TRMT11: variants seen among roughly 807,000 people sequenced by gnomAD.
TRMT11 encodes the protein tRNA methyltransferase 11, also known as tRNA (guanine(10)-N(2))-methyltransferase TRMT11.
TRMT11 carries 53 observed loss-of-function variants against 62.8 expected under a neutral mutation model. That is an observed-to-expected ratio of 0.84 (90% confidence interval 0.68 to 1.06). TRMT11 has a LOEUF of 1.06. TRMT11 is among the 50% of genes least tolerant of loss of function. TRMT11 has a pLI of 0.00. For synonymous variants in TRMT11, 188 were observed against 190.3 expected (o/e 0.99, Z 0.10); for missense variants, 556 against 553.4 (o/e 1.00, Z -0.05).
chr6:126,141,394 T>A, intron 21 of TRMT11, among the ~76,000 whole-genome samples: 1 of 152,298 alleles, frequency 6.6e-6, no homozygotes, highest in African/African-American at 2.4e-5. Context: ...TTCACACACA[T>A]GTTAAATCAG....
chr6:126,242,745 A>C, the TRMT11 span, among the ~76,000 whole-genome samples: 1 of 152,194 alleles, frequency 6.6e-6, no homozygotes, highest in Non-Finnish European at 1.5e-5. Flanking sequence ...AGAAAGCTGA[A>C]ACTGGACCCC....
At chr6:126,021,101 A>G (rs866396904) in intron 11 of TRMT11, 59 bp from the exon 12 acceptor site, 18 of 1,603,604 alleles carry the variant, frequency 1.1e-5, no homozygotes, top group Middle Eastern at 3.3e-4. Flanking sequence ...GACGATCCCC[A>G]TGATTCTTTG....
At chr6:126,076,989 T>G (rs548364245) in intron 17 of TRMT11, among the ~76,000 whole-genome samples, 4 of 152,188 alleles carry the variant, frequency 2.6e-5, no homozygotes, top group African/African-American at 9.7e-5. Flanking sequence ...AAAGTCAATC[T>G]GAGTAATGTT....
intron 17 of TRMT11, among the ~76,000 whole-genome samples, chr6:126,077,817 T>A (rs1777063365): frequency 6.6e-6 from 1 of 152,194 alleles, no homozygotes; most frequent in Non-Finnish European, 1.5e-5. Context: ...TAAAAATCAG[T>A]ATATTATTAA....
At chr6:126,037,800 G>C (rs551099654) in intron 12 of TRMT11, among the ~76,000 whole-genome samples, 1 of 151,980 alleles carries the variant, frequency 6.6e-6, no homozygotes, top group African/African-American at 2.4e-5. Context: ...TTTGAGGATT[G>C]TTATATTCCA....
At chr6:126,006,831 T>C (rs1793428601) in intron 7 of TRMT11, 1 of 152,000 alleles carries the variant, frequency 6.6e-6, no homozygotes, top group African/African-American at 2.4e-5. Flanking sequence ...AGATTATTCA[T>C]CTCCTTTCAG....
intron 16 of TRMT11, among the ~76,000 whole-genome samples, chr6:126,048,095 G>A (rs555944421): frequency 5.7e-4 from 87 of 152,286 alleles, no homozygotes; most frequent in African/African-American, 2.0e-3. Context: ...AAAGCCCCTG[G>A]CTCAGCACCC....
At chr6:126,070,423 A>G (rs1328242799) in intron 17 of TRMT11, among the ~76,000 whole-genome samples, 1 of 152,230 alleles carries the variant, frequency 6.6e-6, no homozygotes, top group East Asian at 1.9e-4. Context: ...TTGAATAAAA[A>G]TGACTCTCAG....
intron 21 of TRMT11, among the ~76,000 whole-genome samples, chr6:126,122,761 A>C (rs1355202713): frequency 1.3e-5 from 2 of 152,082 alleles, no homozygotes; most frequent in African/African-American, 4.8e-5. Context: ...TTTGGGTTTT[A>C]ATTATGAAGG....
chr6:126,064,427 A>T (rs997057052), intron 17 of TRMT11, among the ~76,000 whole-genome samples: 2 of 152,190 alleles, frequency 1.3e-5, no homozygotes, highest in Non-Finnish European at 2.9e-5. Flanking sequence ...CTGCTGGGGT[A>T]GCCAAGAGCC....
intron 12 of TRMT11, among the ~76,000 whole-genome samples, chr6:126,034,859 C>T (rs1202369540): frequency 6.6e-6 from 1 of 151,852 alleles, no homozygotes. Context: ...AGCACTTTGG[C>T]CTTTGAGATA....
the TRMT11 span, among the ~76,000 whole-genome samples, chr6:126,245,398 A>C: frequency 6.6e-6 from 1 of 152,234 alleles, no homozygotes; most frequent in African/African-American, 2.4e-5. Context: ...ATGGCATAGA[A>C]TCTACGTCCA....
intron 21 of TRMT11, among the ~76,000 whole-genome samples, chr6:126,128,520 C>T: frequency 6.6e-6 from 1 of 152,050 alleles, no homozygotes; most frequent in East Asian, 1.9e-4. Context: ...CATTTTCTCC[C>T]ATGTCCTTGG....
At chr6:126,013,718 C>A (rs1794605629) in intron 11 of TRMT11, among the ~76,000 whole-genome samples, 1 of 152,180 alleles carries the variant, frequency 6.6e-6, no homozygotes, top group African/African-American at 2.4e-5. Flanking sequence ...TAAAAAATAT[C>A]CACACAAAAT....
intron 21 of TRMT11, among the ~76,000 whole-genome samples, chr6:126,153,169 A>G (rs1280922235): frequency 3.3e-5 from 5 of 152,206 alleles, no homozygotes; most frequent in African/African-American, 1.2e-4. Flanking sequence ...AAAGTTCATG[A>G]ATGTTTTCCC....
the TRMT11 span, among the ~76,000 whole-genome samples, chr6:126,223,659 T>C: frequency 1.8e-4 from 27 of 152,294 alleles, no homozygotes; most frequent in Admixed American, 1.3e-3. Flanking sequence ...TCTTGTATAG[T>C]ATCTTGCAAG....
chr6:126,016,586 C>T (rs1280520795), intron 11 of TRMT11, among the ~76,000 whole-genome samples: 1 of 151,928 alleles, frequency 6.6e-6, no homozygotes, highest in Non-Finnish European at 1.5e-5. Context: ...AAAGTGGCCA[C>T]TGGATATTTC....
intron 1 of TRMT11, among the ~76,000 whole-genome samples, chr6:125,993,462 C>G (rs1790966041): frequency 6.6e-6 from 1 of 152,172 alleles, no homozygotes; most frequent in African/African-American, 2.4e-5. Flanking sequence ...GTCAGTCTTA[C>G]TAATCTGCAC....
At chr6:126,134,119 G>A (rs1777822230) in intron 21 of TRMT11, among the ~76,000 whole-genome samples, 1 of 151,760 alleles carries the variant, frequency 6.6e-6, no homozygotes, top group African/African-American at 2.4e-5. Context: ...TAGTAAACAA[G>A]TAACAAAATG....
Sources: gnomAD v4.1 joint callset for allele counts (sites outside exome capture counted in the v4.1 genomes callset) on GRCh38, gnomAD v4.1.1 for gene constraint, MANE v1.5 for transcripts, NCBI Gene and HGNC (gene_info 2026-07-23, HGNC 2026-07-21) for gene names.